Variants in SLC35F5 observed in about 807,000 individuals in gnomAD.
SLC35F5 encodes HCV NS5A-transactivated protein 3.
Under a neutral mutation model 68.6 loss-of-function variants are expected in SLC35F5, and 54 were observed. The observed-to-expected ratio is 0.79, with a 90% CI of 0.63 to 0.99. The LOEUF (loss-of-function observed/expected upper bound fraction) is 0.99. Ranked by LOEUF, SLC35F5 falls within the 50% of genes least tolerant of loss-of-function variation. The probability of loss-of-function intolerance (pLI) is 0.00; values close to 1 mark genes in which losing one functional copy is unlikely to be tolerated. For missense variants in SLC35F5, 567 were observed against 626.9 expected (o/e 0.90, Z 1.02); for synonymous variants, 211 against 205.2 (o/e 1.03, Z -0.24).
rs973942769 is a variant in SLC35F5, at chr2:113,755,785, G to A, written c.41-241C>T. On this transcript the variant is annotated intron_variant, in intron 1 of 15. Transcript: ENST00000245680. ...GAGGGGGAGTAATATACAACATACG[G>A]CACATTTAAGAACAGTTAACTACCA... The A allele has an allele frequency of 4.9e-6, 7 of 1,428,992 alleles. No homozygotes were observed. The East Asian group carries it at 9.9e-5, about 20-fold the overall frequency. 88.5% of individuals were successfully genotyped at this position (1,428,992 alleles called of 1,614,324 possible).
intron 7 of SLC35F5, among the ~76,000 whole-genome samples, chr2:113,738,876 T>A (rs541233816): frequency 2.6e-4 from 39 of 152,324 alleles, no homozygotes; most frequent in African/African-American, 9.4e-4. Context: ...GAATGTAAAC[T>A]ATCTCATCAA....
intron 7 of SLC35F5, among the ~76,000 whole-genome samples, chr2:113,741,699 T>A (rs36094493): frequency 0.094 from 13,314 of 142,064 alleles, 804 homozygotes; most frequent in Non-Finnish European, 0.14. Flanking sequence ...GAAACTCCAT[T>A]AAAAAAAAAA....
chr2:113,743,728 T>C lies in SLC35F5; in HGVS notation c.547A>G (p.Ile183Val), dbSNP rs766127685. The C allele has an allele frequency of 4.3e-6, 7 of 1,612,576 alleles. No individual in the cohort carries two copies. Among genetic ancestry groups the C allele is most frequent in the African/African-American group, 1.3e-5 (1 of 74,920 alleles). Residue 183 changes from isoleucine (I) to valine (V), a missense_variant, in exon 6 of 16, where the codon ATT becomes GTT. Coordinates refer to ENST00000245680, the MANE Select transcript of SLC35F5 (RefSeq NM_025181.5). ...LPSEKPESTN[I>V]DTEKTPKKSR... ...TTTTGCTTACTTTTTTCAGTATCAA[T>C]GTTTGTGCTCTCAGGTTTTTCACTT... is the stretch of plus-strand genomic sequence containing the variant.
chr2:113,742,303 AAATC>A (rs1182964497), intron 7 of SLC35F5: 1 of 211,480 alleles, frequency 4.7e-6, no homozygotes, highest in Non-Finnish European at 9.3e-6. Context: ...TATTTGAAAA[AAATC>A]AATGCATACA....
rs980053530 is a variant in SLC35F5, at chr2:113,709,576, C to T, written c.*5642G>A. Among the ~76,000 whole-genome samples the T allele has an allele frequency of 6.6e-5, 10 of 152,248 alleles. No homozygotes were observed. The highest frequency in any genetic ancestry group is 2.0e-4 in the Admixed American group (3 of 15,294). ...CCTCCACTTCACAGCTAAGTAAATG[C>T]GGATCTACCAGATTGAATAATCTCC... is the stretch of plus-strand genomic sequence containing the variant. On this transcript the variant is annotated 3_prime_UTR_variant, in exon 16 of 16. Coordinates refer to ENST00000245680, the MANE Select transcript of SLC35F5 (RefSeq NM_025181.5).
chr2:113,704,619 C>G (rs902823522), downstream of SLC35F5, among the ~76,000 whole-genome samples: 1 of 152,054 alleles, frequency 6.6e-6, no homozygotes, highest in Non-Finnish European at 1.5e-5. Flanking sequence ...CTGGGGGACC[C>G]GGCACACCCT....
chr2:113,707,979 C>T lies in SLC35F5; in HGVS notation c.*7239G>A, dbSNP rs17048299. Among the ~76,000 whole-genome samples the T allele has an allele frequency of 0.12, 18,874 of 151,990 alleles. 1,232 individuals carry two copies. Among genetic ancestry groups the T allele is most frequent in the Non-Finnish European group, 0.15 (9,875 of 67,958 alleles). ...TCATGTTCTACTAGTAAAGGGAATT[C>T]GCATTTTCAATGTCCTGTCTGCATT... On this transcript the variant is annotated 3_prime_UTR_variant, in exon 16 of 16. Transcript: ENST00000245680.
At position 113,719,308 on chromosome 2, in the gene SLC35F5, C is replaced by G; in HGVS notation, c.1342G>C (p.Val448Leu). 2 of 1,538,090 alleles carry G rather than the reference C, an allele frequency of 1.3e-6. No homozygotes were observed. The highest frequency in any genetic ancestry group is 1.7e-6 in the Non-Finnish European group (2 of 1,157,420). ...SIIADMCMQK[V>L]QFSWLFFAGA... ...GCAAAAAATAACCAAGAAAACTGCA[C>G]CTAAAAATAAAAGATAGAGGAAAAA... Residue 448 changes from valine (V) to leucine (L), a missense_variant and splice_region_variant, in exon 14 of 16, where the codon GTG becomes CTG. Transcript: ENST00000245680.
rs751360722 is a variant in SLC35F5 at position 113,709,896 on chromosome 2, C to T, written c.*5322G>A. Among the ~76,000 whole-genome samples, 2 of 152,134 alleles carry T rather than the reference C, an allele frequency of 1.3e-5. No homozygotes were observed. Among genetic ancestry groups the T allele is most frequent in the African/African-American group, 4.8e-5 (2 of 41,408 alleles). On this transcript the variant is annotated 3_prime_UTR_variant, in exon 16 of 16. Coordinates refer to ENST00000245680, the MANE Select transcript of SLC35F5 (RefSeq NM_025181.5). Reference sequence around the variant, plus strand: ...GCCCAATAATAACTCACTGCAGCCTCGAACTCCTGGGTTCAAGTGATCCTC... The same window carrying T: ...GCCCAATAATAACTCACTGCAGCCTTGAACTCCTGGGTTCAAGTGATCCTC...
chr2:113,704,815 G>A (rs577404133), downstream of SLC35F5, among the ~76,000 whole-genome samples: 2 of 152,270 alleles, frequency 1.3e-5, no homozygotes, highest in Admixed American at 6.5e-5. Context: ...AGCTGGGGGA[G>A]CCGCCTCCGG....
chr2:113,751,076 G>C (rs1676718383), intron 3 of SLC35F5, among the ~76,000 whole-genome samples: 1 of 152,112 alleles, frequency 6.6e-6, no homozygotes, highest in African/African-American at 2.4e-5. Context: ...GTTCACAAAG[G>C]TTGAGGCTGC....
chr2:113,721,294 C>T (rs1351549950), intron 13 of SLC35F5: 1 of 151,570 alleles, frequency 6.6e-6, no homozygotes, highest in Non-Finnish European at 1.5e-5. Flanking sequence ...TAACTGACTG[C>T]CCAGTTCTAG....
chr2:113,726,661 T>C (rs1687676797), intron 11 of SLC35F5, among the ~76,000 whole-genome samples: 1 of 152,076 alleles, frequency 6.6e-6, no homozygotes, highest in African/African-American at 2.4e-5. Flanking sequence ...GGCAAATAAG[T>C]CTGCCTTTCC....
rs578213425 is a variant in SLC35F5 at position 113,713,769 on chromosome 2, A to AAAAAAAAAAAAAAAAAAAAAAAAAAGAG, written c.*1448_*1449insCTCTTTTTTTTTTTTTTTTTTTTTTTTT. The AAAAAAAAAAAAAAAAAAAAAAAAAAGAG allele has an allele frequency of 7.2e-6, 1 of 138,714 alleles. No individual in the cohort carries two copies. Among genetic ancestry groups the AAAAAAAAAAAAAAAAAAAAAAAAAAGAG allele is most frequent in the Non-Finnish European group, 1.6e-5 (1 of 64,234 alleles). The allele number at this position is 138,714 out of a possible 1,614,324, so 8.6% of individuals were successfully genotyped here. On this transcript the variant is annotated 3_prime_UTR_variant, in exon 16 of 16. Coordinates refer to ENST00000245680, the MANE Select transcript of SLC35F5 (RefSeq NM_025181.5). Reference sequence around the variant, plus strand: ...ATGATTAAAAAAAAAAAAAAAAAAAAAGAGAGCTGTTTGTATTTTAAATTT... The same window carrying AAAAAAAAAAAAAAAAAAAAAAAAAAGAG: ...ATGATTAAAAAAAAAAAAAAAAAAAAAAAAAAAAAAAAAAAAAAAAAAAAAGAGAGAGAGCTGTTTGTATTTTAAATTT...
intron 5 of SLC35F5, among the ~76,000 whole-genome samples, chr2:113,745,814 T>C (rs1676461796): frequency 6.6e-6 from 1 of 152,230 alleles, no homozygotes; most frequent in African/African-American, 2.4e-5. Context: ...GCTTATTACC[T>C]GTCCCCTCGC....
intron 3 of SLC35F5, among the ~76,000 whole-genome samples, chr2:113,754,280 G>A (rs1676876168): frequency 7.1e-6 from 1 of 140,284 alleles, no homozygotes; most frequent in East Asian, 2.1e-4. Context: ...ACAGAGCAGA[G>A]CAAGACTCCA....
At chr2:113,705,152 T>C (rs1686772835), downstream of SLC35F5, 1 of 152,216 alleles carries the variant, frequency 6.6e-6, no homozygotes, top group Admixed American at 6.5e-5. Context: ...ACTATGACAC[T>C]TTTGAAACTG....
intron 3 of SLC35F5, among the ~76,000 whole-genome samples, chr2:113,752,343 T>C (rs973245800): frequency 2.0e-5 from 3 of 152,120 alleles, no homozygotes; most frequent in African/African-American, 7.2e-5. Context: ...ATACTTTATC[T>C]AGACAACTTA....
intron 5 of SLC35F5, 37 bp downstream of exon 5, chr2:113,746,240 C>T (rs780681672): frequency 6.5e-7 from 1 of 1,548,748 alleles, no homozygotes; most frequent in African/African-American, 1.4e-5. Flanking sequence ...TGGCTCAACC[C>T]CACCTCTCTA....
Sources: gnomAD v4.1 joint callset for allele counts (sites outside exome capture counted in the v4.1 genomes callset) on GRCh38, gnomAD v4.1.1 for gene constraint, MANE v1.5 for transcripts, NCBI Gene and HGNC (gene_info 2026-07-23, HGNC 2026-07-21) for gene names.